The following TSC2 variants were observed in gnomAD, a reference collection of about 807,000 sequenced individuals.
TSC2 encodes the protein tuberin.
TSC2 carries 29 observed loss-of-function variants against 202.2 expected under a neutral mutation model. The observed-to-expected ratio is 0.14, with a 90% confidence interval of 0.11 to 0.20. The LOEUF (loss-of-function observed/expected upper bound fraction) is 0.20, where lower values mean the gene tolerates loss of function less well. Ranked by LOEUF, TSC2 falls within the 10% of genes least tolerant of loss-of-function variation. The pLI, the probability that TSC2 is intolerant of heterozygous loss-of-function variation, is 1.00. For synonymous variants in TSC2, 1,349 were observed against 1,044.0 expected (o/e 1.29, Z -5.63); for missense variants, 2,429 against 2,420.0 (o/e 1.00, Z -0.08).
Position 2,084,653 on chromosome 16 carries a change from G to C in TSC2, c.4431G>C (p.Arg1477Ser), listed in dbSNP as rs76934857. The C allele has an allele frequency of 5.0e-6, 8 of 1,599,304 alleles. No homozygotes were observed. In the East Asian group the frequency reaches 1.8e-4, roughly 36 times the overall value. The change falls in exon 34 of 42, where the codon AGG becomes AGC. Residue 1477 changes from arginine (R) to serine (S), a missense_variant. Physicochemically the swap from Arg to Ser is moderately radical, Grantham distance 110. Transcript: ENST00000219476. ...APSRRGKRVERDALKSRATAS... is the reference protein window; with the variant it reads ...APSRRGKRVESDALKSRATAS... ...CACGCAGGGGCAAGAGAGTAGAGAG[G>C]GACGCCTTAAAGAGCAGAGCCACAG...
chr16:2,054,485 A>G (rs2151046065), intron 5 of TSC2, 45 bp downstream of exon 5: 1 of 1,613,012 alleles, frequency 6.2e-7, no homozygotes. Flanking sequence ...CTTGACGATC[A>G]AGTGTAACCT....
chr16:2,061,420 C>T (rs1047106401), intron 11 of TSC2: 4 of 317,802 alleles, frequency 1.3e-5, no homozygotes, highest in African/African-American at 6.5e-5. Context: ...CCCCCGACCG[C>T]TGGTGGCAGT....
intron 14 of TSC2, chr16:2,063,934 A>G (rs1459317834): frequency 1.9e-5 from 8 of 430,172 alleles, no homozygotes; most frequent in Non-Finnish European, 3.5e-5. Flanking sequence ...ACCCTCACGC[A>G]CACACGCACA....
intron 6 of TSC2, 62 bp downstream of exon 6, chr16:2,055,581 A>C: frequency 2.0e-6 from 3 of 1,510,768 alleles, no homozygotes; most frequent in Non-Finnish European, 2.8e-6. Context: ...GCAGTGAATA[A>C]AGTTGAAACC....
rs749358180 is a variant in TSC2, at chr16:2,084,521, G to A, written c.4299G>A (p.Ser1433=). 39 of 1,609,258 alleles carry A rather than the reference G, an allele frequency of 2.4e-5. No individual in the cohort carries two copies. The highest frequency in any genetic ancestry group is 8.9e-5 in the East Asian group (4 of 44,766). Residue 1433 remains serine, a synonymous_variant, in exon 34 of 42, where the codon TCG becomes TCA. Transcript: ENST00000219476. ...LDGESAAWSA[S]GEDSRGQPEG... ...GGGAAAGTGCTGCCTGGTCGGCCTC[G>A]GGCGAAGACAGTCGGGGCCAGCCCG... is the stretch of plus-strand genomic sequence containing the variant.
At position 2,088,268 on chromosome 16, in the gene TSC2, T is replaced by C. The variant is rs1748; in HGVS notation, c.5202T>C (p.Asp1734=). 0.19 allele frequency: 305,299 copies of C among 1,586,204 alleles called. 38,924 individuals carry two copies. The highest frequency in any genetic ancestry group is 0.67 in the African/African-American group (48,935 of 73,244). The change falls in exon 41 of 42, where the codon GAT becomes GAC. Residue 1734 remains aspartate (D), a synonymous_variant. Coordinates refer to ENST00000219476, the MANE Select transcript of TSC2 (RefSeq NM_000548.5). ...ATCATAGCCGCTCCAACCCCACCGA[T>C]ATCTACCCCTCCAAGTGGATTGCCC... ...QVHHSRSNPT[D]IYPSKWIARL...
rs1199178516 is a variant in TSC2 at position 2,064,458 on chromosome 16, T to A, written c.1599+31T>A. ...AGCCGTTGTACCCGGGGCCGGGTGC[T>A]AGCGTGCCAGAGCTCCGTGGGCAGC... On this transcript the variant is annotated intron_variant, in intron 15 of 41. Transcript: ENST00000219476. The A allele has an allele frequency of 8.7e-6, 14 of 1,611,838 alleles. No individual in the cohort carries two copies. The Admixed American group carries it at 2.3e-4, about 27-fold the overall frequency.
Position 2,055,206 on chromosome 16 carries a change from C to T in TSC2, c.482-196C>T, listed in dbSNP as rs137910794. 4,924 of 655,508 alleles carry T rather than the reference C, an allele frequency of 7.5e-3. 39 individuals are homozygous for T. Among genetic ancestry groups the T allele is most frequent in the Middle Eastern group, 0.029 (73 of 2,510 alleles). 40.6% of individuals were successfully genotyped at this position (655,508 alleles called of 1,614,324 possible). A position where few individuals can be genotyped will look rare whatever the true frequency, so the allele number is the denominator to read the frequency against. ...CCCAGGGGCGGTAGATCCTAGTGTCCGTGCGTAGCCGGCCTGCCCTGGGCT... is the reference window on the plus strand; with the variant it reads ...CCCAGGGGCGGTAGATCCTAGTGTCTGTGCGTAGCCGGCCTGCCCTGGGCT... On this transcript the variant is annotated intron_variant, in intron 5 of 41. Transcript: ENST00000219476.
At chr16:2,061,722 G>A in intron 11 of TSC2, 149 bp from the exon 12 acceptor site, 1 of 1,380,706 alleles carries the variant, frequency 7.2e-7, no homozygotes, top group Non-Finnish European at 1.0e-6. Context: ...AGCGGCCTCA[G>A]AGGGCTGGGG....
At chr16:2,073,271 G>T (rs1226873061) in intron 21 of TSC2, among the ~76,000 whole-genome samples, 1 of 152,256 alleles carries the variant, frequency 6.6e-6, no homozygotes, top group Non-Finnish European at 1.5e-5. Context: ...CTGTCCCAAG[G>T]GGGAGGTGGC....
chr16:2,067,098 A>G (rs961139439), intron 16 of TSC2, among the ~76,000 whole-genome samples: 2 of 151,974 alleles, frequency 1.3e-5, no homozygotes, highest in African/African-American at 4.8e-5. Flanking sequence ...ATTTCCTGTC[A>G]TGTTTATATG....
chr16:2,063,002 G>T lies in TSC2; in HGVS notation c.1392G>T (p.Lys464Asn). The T allele has an allele frequency of 6.4e-7, 1 of 1,551,370 alleles. No individual in the cohort carries two copies. Residue 464 changes from lysine (K) to asparagine (N), a missense_variant, in exon 14 of 42, where the codon AAG becomes AAT. Physicochemically the swap from Lys to Asn is moderately conservative, Grantham distance 94 (BLOSUM62 0). Transcript: ENST00000219476. The stretch of plus-strand genomic sequence containing the variant: ...AGTCCCGAGGCGCCGTGCGCATCAA[G>T]GTGCTGGACGTGCTGTCCTTTGTGC... ...RSESRGAVRIKVLDVLSFVLL... is the reference protein window; with the variant it reads ...RSESRGAVRINVLDVLSFVLL...
chr16:2,054,215 G>A, intron 4 of TSC2, 81 bp from the exon 5 acceptor site: 4 of 1,608,532 alleles, frequency 2.5e-6, no homozygotes, highest in Non-Finnish European at 3.4e-6. Flanking sequence ...GAGTCCGGGT[G>A]CCCCTGCACT....
At chr16:2,074,492 G>A (rs1280297378) in intron 22 of TSC2, 103 bp downstream of exon 22, 3 of 1,425,404 alleles carry the variant, frequency 2.1e-6, no homozygotes, top group Non-Finnish European at 1.9e-6. Flanking sequence ...GGGAACCTGG[G>A]TGTCTCGCCT....
intron 6 of TSC2, 190 bp from the exon 7 acceptor site, chr16:2,056,006 A>T: frequency 1.4e-6 from 1 of 694,878 alleles, no homozygotes; most frequent in Non-Finnish European, 2.6e-6. Context: ...TGTCTCACTC[A>T]TGCTGAACAC....
intron 25 of TSC2, 83 bp from the exon 26 acceptor site, chr16:2,077,515 C>T (rs935410090): frequency 1.2e-6 from 2 of 1,600,438 alleles, no homozygotes; most frequent in Admixed American, 1.7e-5. Context: ...GGGACCTTTC[C>T]TCCTCACCCC....
At chr16:2,054,133 C>T in intron 4 of TSC2, 163 bp from the exon 5 acceptor site, 5 of 1,141,698 alleles carry the variant, frequency 4.4e-6, no homozygotes, top group Middle Eastern at 2.9e-4. Flanking sequence ...GCCCCCTGCC[C>T]TGTACAATGC....
At chr16:2,087,155 G>A (rs926527245) in intron 38 of TSC2, 13 of 503,056 alleles carry the variant, frequency 2.6e-5, no homozygotes, top group African/African-American at 5.8e-5. Flanking sequence ...CTGTCTGTCC[G>A]GCGCGGCCCT....
At chr16:2,052,224 T>C (rs2085219009) in intron 3 of TSC2, among the ~76,000 whole-genome samples, 1 of 149,454 alleles carries the variant, frequency 6.7e-6, no homozygotes, top group Admixed American at 6.7e-5. Context: ...GTAAGAGTAT[T>C]GTCAATGAGA....
Sources: allele counts gnomAD v4.1 joint callset (sites outside exome capture counted in the v4.1 genomes callset), GRCh38; gene constraint gnomAD v4.1.1; transcripts MANE v1.5; gene names NCBI Gene and HGNC (gene_info 2026-07-23, HGNC 2026-07-21).